TRPM3: variants seen among roughly 807,000 people sequenced by gnomAD.
TRPM3 encodes the protein transient receptor potential cation channel subfamily M member 3, also known as long transient receptor potential channel 3.
TRPM3 carries 77 observed loss-of-function variants against 181.2 expected under a neutral mutation model. The observed-to-expected ratio is 0.42, with a 90% CI of 0.35 to 0.51. The LOEUF is 0.51. Among genes scored for constraint, TRPM3 ranks in the 20% least tolerant of loss-of-function variants. The probability of loss-of-function intolerance (pLI) is 0.01; values close to 1 mark genes in which losing one functional copy is unlikely to be tolerated. For missense variants in TRPM3, 1,759 were observed against 2,196.7 expected, an observed-to-expected ratio of 0.80 and a Z score of 3.98; for synonymous variants, 745 against 796.4, an observed-to-expected ratio of 0.94 and a Z score of 1.09.
intron 1 of TRPM3, among the ~76,000 whole-genome samples, chr9:71,178,285 AAT>A (rs780364310): frequency 3.3e-5 from 5 of 152,168 alleles, no homozygotes; most frequent in African/African-American, 4.8e-5. Flanking sequence ...GCATAAACTC[AAT>A]ATGTTTTGTT....
chr9:71,402,536 C>T lies in TRPM3; in HGVS notation c.183+44117G>A, dbSNP rs142071881. 1.0e-3 allele frequency among the ~76,000 whole-genome samples: 152 copies of T among 151,400 alleles called. 2 individuals carry two copies. The highest frequency in any genetic ancestry group is 6.1e-3 in the South Asian group (29 of 4,786). On this transcript the variant is annotated intron_variant, in intron 1 of 24. Coordinates refer to the TRPM3 transcript ENST00000357533. The stretch of plus-strand genomic sequence containing the variant: ...AATCCATTAACAGGCATTTCCAAAG[C>T]CTACAACTAATCAGCATCCCATTCC...
intron 5 of TRPM3, among the ~76,000 whole-genome samples, chr9:70,829,717 C>G (rs2093773439): frequency 6.6e-6 from 1 of 152,056 alleles, no homozygotes; most frequent in African/African-American, 2.4e-5. Flanking sequence ...ATTATTGTCT[C>G]TAGTAATTGC....
chr9:70,598,569 G>A lies in TRPM3; in HGVS notation c.2898C>T (p.Val966=), dbSNP rs145029936. Residue 966 remains valine (V), a synonymous_variant, in exon 21 of 26, where the codon GTC becomes GTT. Transcript: ENST00000677713. ...GGTCTTGGAGACGAAGGATCATTCC[G>A]ACAGAAAACAGAAGGATGGCGATGA... ...TDLIAILLFS[V]GMILRLQDQP... The A allele has an allele frequency of 7.4e-6, 12 of 1,614,046 alleles. No homozygotes were observed. Among genetic ancestry groups the A allele is most frequent in the Middle Eastern group, 3.3e-4 (2 of 6,084 alleles).
chr9:71,038,555 C>T lies in TRPM3; in HGVS notation c.177+82623G>A, dbSNP rs1028187715. Among the ~76,000 whole-genome samples, 4 of 152,122 alleles carry T rather than the reference C, an allele frequency of 2.6e-5. No homozygotes were observed. In the East Asian group the frequency reaches 5.8e-4, roughly 22 times the overall value. ...TTCCCTATTTCTCTTCCTCTTCTTC[C>T]CTCTCTCCTTATCATCTTCCCTTTC... On this transcript the variant is annotated intron_variant, in intron 1 of 25. Transcript: ENST00000677713.
At chr9:71,096,590 A>ACTCTCTCTCT (rs71367255) in intron 1 of TRPM3, among the ~76,000 whole-genome samples, 4 of 90,044 alleles carry the variant, frequency 4.4e-5, no homozygotes, top group South Asian at 4.9e-4. Flanking sequence ...ACACACACAC[A>ACTCTCTCTCT]CTCTCTCTCT....
intron 1 of TRPM3, among the ~76,000 whole-genome samples, chr9:71,433,079 A>G (rs1249355197): frequency 6.6e-6 from 1 of 152,226 alleles, no homozygotes; most frequent in African/African-American, 2.4e-5. Context: ...CTTCATTTCT[A>G]TGCTGTGCTA....
At chr9:70,699,816 G>A (rs1366393704) in intron 8 of TRPM3, among the ~76,000 whole-genome samples, 1 of 152,176 alleles carries the variant, frequency 6.6e-6, no homozygotes. Context: ...CCTGGAATAG[G>A]GGTGGAGTGT....
chr9:70,680,689 C>T (rs965368190), intron 9 of TRPM3, among the ~76,000 whole-genome samples: 14 of 152,210 alleles, frequency 9.2e-5, no homozygotes, highest in Non-Finnish European at 1.8e-4. Context: ...CTCAGAACCA[C>T]ATTCAACAAG....
intron 1 of TRPM3, among the ~76,000 whole-genome samples, chr9:70,882,414 GT>G (rs1269622717): frequency 6.6e-6 from 1 of 152,114 alleles, no homozygotes; most frequent in African/African-American, 2.4e-5. Context: ...GATTTCTAAA[GT>G]CAATTTTGGT....
At chr9:71,353,027 G>A (rs11142806) in intron 1 of TRPM3, among the ~76,000 whole-genome samples, 71,456 of 151,722 alleles carry the variant, frequency 0.47, 17,725 homozygotes, top group East Asian at 0.59. Flanking sequence ...AATCAGAATC[G>A]CAACTGATGT....
rs1246343811 is a variant in TRPM3, at chr9:70,942,134, A to AACTGAGAT, written c.178-77631_178-77624dup. ...TTGCAGGAACAATTGGCCACCTTTC[A>AACTGAGAT]ACTGAGATATTTTCCAGAAACAGGG... On this transcript the variant is annotated intron_variant, in intron 1 of 25. Transcript: ENST00000677713. 2.3e-4 allele frequency among the ~76,000 whole-genome samples: 35 copies of AACTGAGAT among 152,298 alleles called. 1 individual carries two copies. Among genetic ancestry groups the AACTGAGAT allele is most frequent in the African/African-American group, 8.2e-4 (34 of 41,558 alleles).
chr9:71,014,108 G>A lies in TRPM3; in HGVS notation c.177+107070C>T, dbSNP rs144939545. Among the ~76,000 whole-genome samples the A allele has an allele frequency of 5.9e-4, 89 of 151,960 alleles. 1 individual carries two copies. In the East Asian group the frequency reaches 0.01, roughly 18 times the overall value. ...TACTTCAGTTATATTAACAGATTCA[G>A]ATATATAGTGTTTTTAACATCATTA... On this transcript the variant is annotated intron_variant, in intron 1 of 25. Transcript: ENST00000677713.
At chr9:70,611,442 C>A (rs2061985799) in intron 18 of TRPM3, among the ~76,000 whole-genome samples, 1 of 152,080 alleles carries the variant, frequency 6.6e-6, no homozygotes, top group Non-Finnish European at 1.5e-5. Context: ...GTGGCACTTC[C>A]TCGGTCTGTC....
At chr9:70,992,614 G>C (rs758062369) in intron 1 of TRPM3, among the ~76,000 whole-genome samples, 3 of 152,194 alleles carry the variant, frequency 2.0e-5, no homozygotes, top group African/African-American at 7.2e-5. Context: ...AGCCATATGT[G>C]TGTACTGAGC....
chr9:70,749,709 A>G (rs929333162), intron 8 of TRPM3, among the ~76,000 whole-genome samples: 32 of 152,250 alleles, frequency 2.1e-4, no homozygotes, highest in African/African-American at 6.8e-4. Context: ...AACAAGTAGT[A>G]CTAAAATGAA....
chr9:71,388,281 GT>G (rs1031482463), intron 1 of TRPM3, among the ~76,000 whole-genome samples: 1 of 151,916 alleles, frequency 6.6e-6, no homozygotes, highest in Non-Finnish European at 1.5e-5. Flanking sequence ...TAAAATCGCT[GT>G]TTTTTTCAAG....
rs563877119 is a variant in TRPM3 at position 71,226,299 on chromosome 9, A to C, written c.183+220354T>G. Among the ~76,000 whole-genome samples the C allele has an allele frequency of 1.2e-4, 18 of 152,260 alleles. No homozygotes were observed. In the South Asian group the frequency reaches 2.5e-3, roughly 21 times the overall value. On this transcript the variant is annotated intron_variant, in intron 1 of 24. Coordinates refer to the TRPM3 transcript ENST00000357533. ...AGAGAAGGTGACAAAGCTACCTGAA[A>C]ACAAATAACATCACAGGAGTAAGTC...
intron 19 of TRPM3, among the ~76,000 whole-genome samples, chr9:70,605,117 G>T (rs985752357): frequency 6.6e-6 from 1 of 151,840 alleles, no homozygotes; most frequent in African/African-American, 2.4e-5. Flanking sequence ...ACCACGTCTG[G>T]CTAATTTTTG....
chr9:71,183,534 C>T (rs1446060034), intron 1 of TRPM3, among the ~76,000 whole-genome samples: 1 of 152,086 alleles, frequency 6.6e-6, no homozygotes, highest in Non-Finnish European at 1.5e-5. Context: ...TACAGTTGCA[C>T]TGCATAATAT....
Sources: gnomAD v4.1 joint callset for allele counts (sites outside exome capture counted in the v4.1 genomes callset) on GRCh38, gnomAD v4.1.1 for gene constraint, MANE v1.5 for transcripts, NCBI Gene and HGNC (gene_info 2026-07-23, HGNC 2026-07-21) for gene names.